Variants in GUCY2D observed in about 807,000 individuals in gnomAD.
GUCY2D encodes guanylate cyclase 2D, retinal, also known as retinal guanylyl cyclase 1.
A neutral mutation model predicts 101.3 loss-of-function variants in GUCY2D; 70 were observed. That is an observed-to-expected ratio of 0.69 (90% CI 0.57 to 0.84). The LOEUF (loss-of-function observed/expected upper bound fraction) is 0.84. Ranked by LOEUF, GUCY2D falls within the 40% of genes least tolerant of loss-of-function variation. The pLI is 0.00. For missense variants in GUCY2D, 1,460 were observed against 1,542.5 expected, an observed-to-expected ratio of 0.95 and a Z score of 0.90; for synonymous variants, 688 against 670.7, an observed-to-expected ratio of 1.03 and a Z score of -0.40.
Position 8,003,771 on chromosome 17 carries a change from A to T in GUCY2D, c.721+3A>T. On this transcript the variant is annotated splice_donor_region_variant and intron_variant, in intron 2 of 19. Transcript: ENST00000254854. ...TCGGGACGGGCCCAGGGTCACAGGT[A>T]GGCTCCCTTGCAGGGTGCGAGGAGG... is the stretch of plus-strand genomic sequence containing the variant. 1 of 1,600,202 alleles carries T rather than the reference A, an allele frequency of 6.2e-7. No homozygotes were observed. Among genetic ancestry groups the T allele is most frequent in the Admixed American group, 1.7e-5 (1 of 59,936 alleles).
chr17:8,015,995 G>A lies in GUCY2D; in HGVS notation c.3112G>A (p.Glu1038Lys). 5 of 1,610,508 alleles carry A rather than the reference G, an allele frequency of 3.1e-6. No individual in the cohort carries two copies. The highest frequency in any genetic ancestry group is 4.2e-6 in the Non-Finnish European group (5 of 1,178,876). ...LRALDSGYQV[E>K]LRGRTELKGK... ...TGCTCTGGACTCGGGCTACCAGGTG[G>A]AGCTGCGAGGCCGCACGGAGCTGAA... Residue 1038 changes from glutamate to lysine, a missense_variant, in exon 17 of 20, where the codon GAG (glutamate) becomes AAG (lysine). Physicochemically the swap from Glu to Lys is moderately conservative, Grantham distance 56. This residue lies in a region of GUCY2D where 215 missense variants were observed against 227.9 expected (regional missense o/e 0.94). Coordinates refer to ENST00000254854, the MANE Select transcript of GUCY2D (RefSeq NM_000180.4).
rs1490881491 is a variant in GUCY2D at position 8,003,066 on chromosome 17, C to A, written c.19C>A (p.Arg7=). 6.6e-7 allele frequency: 1 copy of A among 1,526,300 alleles called. No individual in the cohort carries two copies. The highest frequency in any genetic ancestry group is 1.2e-5 in the South Asian group (1 of 82,340). 94.5% of individuals were successfully genotyped at this position (1,526,300 alleles called of 1,614,324 possible). A position where few individuals can be genotyped will look rare whatever the true frequency, so the allele number is the denominator to read the frequency against. The stretch of plus-strand genomic sequence containing the variant: ...GCCGGCAATGACCGCCTGCGCCCGC[C>A]GAGCGGGTGGGCTTCCGGACCCCGG... MTACAR[R]AGGLPDPGLC... is the part of the protein sequence containing the mutation. Residue 7 remains arginine, a synonymous_variant, in exon 2 of 20, where the codon CGA becomes AGA. Coordinates refer to ENST00000254854, the MANE Select transcript of GUCY2D (RefSeq NM_000180.4).
intron 19 of GUCY2D, among the ~76,000 whole-genome samples, chr17:8,019,460 A>G (rs919325087): frequency 1.3e-5 from 2 of 152,070 alleles, no homozygotes; most frequent in Admixed American, 6.5e-5. Flanking sequence ...GTTCCTTCCC[A>G]CCTTCACTCA....
chr17:8,015,111 C>A, intron 14 of GUCY2D, 60 bp downstream of exon 14: 2 of 1,441,382 alleles, frequency 1.4e-6, no homozygotes, highest in Non-Finnish European at 1.9e-6. Context: ...AGCCTCCAGC[C>A]CAGCCCTTCC....
chr17:8,003,770 T>C lies in GUCY2D; in HGVS notation c.721+2T>C. 6.3e-7 allele frequency: 1 copy of C among 1,599,992 alleles called. No individual in the cohort carries two copies. The highest frequency in any genetic ancestry group is 8.5e-7 in the Non-Finnish European group (1 of 1,179,496). ...TTCGGGACGGGCCCAGGGTCACAGG[T>C]AGGCTCCCTTGCAGGGTGCGAGGAG... On this transcript the variant is annotated splice_donor_variant, in intron 2 of 19. Transcript: ENST00000254854. LOFTEE classifies it high-confidence loss of function.
At chr17:8,012,633 T>C (rs373788984) in intron 10 of GUCY2D, 27 bp downstream of exon 10, 20 of 1,585,766 alleles carry the variant, frequency 1.3e-5, no homozygotes, top group Non-Finnish European at 1.7e-5. Flanking sequence ...CAGACGAGGA[T>C]CCACCGGGAT....
Position 8,014,492 on chromosome 17 carries a change from G to T in GUCY2D, c.2413-109G>T, listed in dbSNP as rs980003546. On this transcript the variant is annotated intron_variant, in intron 12 of 19. Transcript: ENST00000254854. This position sits in a 1 kb window ranked among gnomAD's most constrained non-coding sequence, Gnocchi z 4.0. Reference sequence around the variant, plus strand: ...AATAGTAGATGAATGGTGGCAGCGGGGTTGGGGTTCAGAGTGAACAGCCCC... The same window carrying T: ...AATAGTAGATGAATGGTGGCAGCGGTGTTGGGGTTCAGAGTGAACAGCCCC... 6.0e-6 allele frequency: 6 copies of T among 997,886 alleles called. No homozygotes were observed. The African/African-American group carries it at 7.9e-5, about 13-fold the overall frequency. The allele number at this position is 997,886 out of a possible 1,614,324, so 61.8% of individuals were successfully genotyped here.
chr17:8,016,398 C>T (rs773078701), intron 18 of GUCY2D, 45 bp from the exon 19 acceptor site: 10 of 1,467,760 alleles, frequency 6.8e-6, no homozygotes, highest in Non-Finnish European at 9.3e-6. Flanking sequence ...CCTGCCCTCC[C>T]ACGCCCCATT....
chr17:8,007,509 A>G lies in GUCY2D; in HGVS notation c.1547A>G (p.His516Arg), dbSNP rs1345987699. ...TVDDITFLHP[H>R]GGTSRKVAQG... ...GACGACATCACCTTTCTCCACCCAC[A>G]TGGGGGCACCTCTCGAAAGGTGGGG... is the stretch of plus-strand genomic sequence containing the variant. Residue 516 changes from histidine (H) to arginine (R), a missense_variant, in exon 6 of 20, where the codon CAT becomes CGT. His to Arg is a conservative substitution (Grantham distance 29). This residue lies in a region of GUCY2D where 1,196 missense variants were observed against 1,229.6 expected (regional missense o/e 0.97). Coordinates refer to ENST00000254854, the MANE Select transcript of GUCY2D (RefSeq NM_000180.4). 1.0e-5 allele frequency: 16 copies of G among 1,603,786 alleles called. No individual in the cohort carries two copies. The highest frequency in any genetic ancestry group is 3.3e-4 in the Middle Eastern group (2 of 6,066).
intron 10 of GUCY2D, 21 bp downstream of exon 10, chr17:8,012,627 C>A (rs184164679): frequency 1.3e-6 from 2 of 1,597,572 alleles, no homozygotes; most frequent in Non-Finnish European, 1.7e-6. Flanking sequence ...CCTGTGCAGA[C>A]GAGGATCCAC....
At position 8,007,122 on chromosome 17, in the gene GUCY2D, G is replaced by GC; in HGVS notation, c.1443dup (p.Phe482LeufsTer75). 9.9e-6 allele frequency: 16 copies of GC among 1,613,524 alleles called. No individual in the cohort carries two copies. The highest frequency in any genetic ancestry group is 1.4e-5 in the Non-Finnish European group (16 of 1,179,408). On this transcript the variant is annotated frameshift_variant, in exon 5 of 20. Transcript: ENST00000254854. LOFTEE classifies it high-confidence loss of function. ...GGTGGTTGGGATGGGGCTGGCTGGG[G>GC]CCTTCCTGGCCCATTATGTGAGGTG...
rs1179230445 is a variant in GUCY2D at position 8,012,361 on chromosome 17, G to C, written c.1956+11G>C. 3 of 1,611,880 alleles carry C rather than the reference G, an allele frequency of 1.9e-6. No homozygotes were observed. Among genetic ancestry groups the C allele is most frequent in the Non-Finnish European group, 2.5e-6 (3 of 1,178,668 alleles). On this transcript the variant is annotated intron_variant, in intron 9 of 19. Coordinates refer to ENST00000254854, the MANE Select transcript of GUCY2D (RefSeq NM_000180.4). ...CTGGACCTTATCAAGGTGTGTGTCT[G>C]GGGGTGGTGGGGTGACGTCCTGGGG...
chr17:8,004,163 G>A lies in GUCY2D; in HGVS notation c.1026+7G>A, dbSNP rs747148534. On this transcript the variant is annotated splice_region_variant and intron_variant, in intron 3 of 19. Transcript: ENST00000254854. ...TGACCTCAATCTGCAGCAGGTAGAC[G>A]GTCCCGGGAGGAGGGAAGAAGGCAA... 6.3e-7 allele frequency: 1 copy of A among 1,582,126 alleles called. No individual in the cohort carries two copies. Among genetic ancestry groups the A allele is most frequent in the Non-Finnish European group, 8.6e-7 (1 of 1,168,386 alleles).
rs1203606313 is a variant in GUCY2D at position 8,016,336 on chromosome 17, G to T, written c.3224+46G>T. ...GCAGGGCGAGGGACGAGGGACCCCT[G>T]CCTCCTGCTCTGTGTCTGACCCCCC... On this transcript the variant is annotated intron_variant, in intron 18 of 19. Coordinates refer to ENST00000254854, the MANE Select transcript of GUCY2D (RefSeq NM_000180.4). The T allele has an allele frequency of 2.1e-6, 3 of 1,462,124 alleles. No homozygotes were observed. In the African/African-American group the frequency reaches 4.2e-5, roughly 20 times the overall value. 90.6% of individuals were successfully genotyped at this position (1,462,124 alleles called of 1,614,324 possible).
chr17:8,016,427 C>G lies in GUCY2D; in HGVS notation c.3225-16C>G, dbSNP rs1975977506. On this transcript the variant is annotated splice_polypyrimidine_tract_variant and intron_variant, in intron 18 of 19. Transcript: ENST00000254854. Reference sequence around the variant, plus strand: ...CCCCATTCCCCTTCCCTGAGGCCACCGCCCCCTCCTTGCAGGTCCAGCAAC... The same window carrying G: ...CCCCATTCCCCTTCCCTGAGGCCACGGCCCCCTCCTTGCAGGTCCAGCAAC... 6.5e-7 allele frequency: 1 copy of G among 1,544,050 alleles called. No homozygotes were observed. The highest frequency in any genetic ancestry group is 8.8e-7 in the Non-Finnish European group (1 of 1,141,130).
chr17:8,018,972 C>A (rs1408585383), intron 19 of GUCY2D, among the ~76,000 whole-genome samples: 4 of 152,022 alleles, frequency 2.6e-5, no homozygotes, highest in Admixed American at 2.6e-4. Flanking sequence ...GGTGATGTTG[C>A]TACAGAGAGC....
At chr17:8,008,212 C>T (rs1202953293) in intron 7 of GUCY2D, among the ~76,000 whole-genome samples, 180 bp downstream of exon 7, 2 of 152,196 alleles carry the variant, frequency 1.3e-5, no homozygotes, top group South Asian at 2.1e-4. Context: ...CAAAGGGAAG[C>T]ACCTAGGAAT....
Position 8,015,608 on chromosome 17 carries a change from T to G in GUCY2D, c.2944+106T>G, listed in dbSNP as rs557461086. The G allele has an allele frequency of 1.9e-5, 23 of 1,207,042 alleles. No homozygotes were observed. In the South Asian group the frequency reaches 3.0e-4, roughly 16 times the overall value. 74.8% of individuals were successfully genotyped at this position (1,207,042 alleles called of 1,614,324 possible). A position where few individuals can be genotyped will look rare whatever the true frequency, so the allele number is the denominator to read the frequency against. On this transcript the variant is annotated intron_variant, in intron 15 of 19. Coordinates refer to ENST00000254854, the MANE Select transcript of GUCY2D (RefSeq NM_000180.4). ...CATGGAGCGGGGAGTGGGGCTTACC[T>G]TGAAGAGGATGCACTTAACAAGGCT... is the stretch of plus-strand genomic sequence containing the variant.
rs1319345994 is a variant in GUCY2D at position 8,015,378 on chromosome 17, G to A, written c.2820G>A (p.Arg940=). 3 of 1,612,594 alleles carry A rather than the reference G, an allele frequency of 1.9e-6. No homozygotes were observed. The highest frequency in any genetic ancestry group is 2.5e-6 in the Non-Finnish European group (3 of 1,179,996). The change falls in exon 15 of 20, where the codon CGG becomes CGA. Residue 940 remains arginine (R), a synonymous_variant. Transcript: ENST00000254854. ...TGGTGGCCTCGGGGCTGCCCCAGCG[G>A]AATGGGCAGCGACACGCGGCAGAGA... ...AYMVASGLPQ[R]NGQRHAAEIA...
Sources: allele counts gnomAD v4.1 joint callset (sites outside exome capture counted in the v4.1 genomes callset), GRCh38; gene constraint gnomAD v4.1.1; regional missense constraint gnomAD v4.1.1; non-coding constraint Gnocchi (gnomAD v3.1); transcripts MANE v1.5; gene names NCBI Gene and HGNC (gene_info 2026-07-23, HGNC 2026-07-21).